SLC51A: variants seen among roughly 807,000 people sequenced by gnomAD.
SLC51A encodes the protein organic solute transporter subunit alpha.
A neutral mutation model predicts 34.8 loss-of-function variants in SLC51A; 22 were observed. The ratio of observed to expected loss-of-function variants is 0.63; its 90% confidence interval spans 0.45 to 0.90. The LOEUF (loss-of-function observed/expected upper bound fraction) is 0.90. Ranked by LOEUF, SLC51A falls within the 40% of genes least tolerant of loss-of-function variation. SLC51A has a pLI of 0.00. For missense variants in SLC51A, 371 were observed against 414.8 expected (o/e 0.89, Z 0.92); for synonymous variants, 181 against 176.3 (o/e 1.03, Z -0.21).
At chr3:196,218,011 G>A in intron 2 of SLC51A, 75 bp downstream of exon 2, 1 of 1,387,498 alleles carries the variant, frequency 7.2e-7, no homozygotes, top group Non-Finnish European at 1.0e-6. Context: ...GGGAGAGGCG[G>A]CCCTGAGCTG....
chr3:196,219,119 G>A (rs1028232599), intron 2 of SLC51A, among the ~76,000 whole-genome samples: 4 of 152,116 alleles, frequency 2.6e-5, no homozygotes, highest in African/African-American at 4.8e-5. Context: ...CCAGCTACTC[G>A]GGAGGCTGAG....
At position 196,233,391 on chromosome 3, in the gene SLC51A, A is replaced by G. The variant is rs1160880283; in HGVS notation, c.*192A>G. 1 of 617,720 alleles carries G rather than the reference A, an allele frequency of 1.6e-6. No homozygotes were observed. Among genetic ancestry groups the G allele is most frequent in the African/African-American group, 1.8e-5 (1 of 54,092 alleles). The allele number at this position is 617,720 out of a possible 1,614,324, so 38.3% of individuals were successfully genotyped here. On this transcript the variant is annotated 3_prime_UTR_variant, in exon 9 of 9. Coordinates refer to ENST00000296327, the MANE Select transcript of SLC51A (RefSeq NM_152672.6). ...TTGGATCTTGCCTGGAAGGTGTTTT[A>G]AGTTTTGTAATAAACAAGATGATGT...
intron 2 of SLC51A, among the ~76,000 whole-genome samples, chr3:196,224,692 C>A (rs1044953670): frequency 4.3e-5 from 1 of 23,524 alleles, no homozygotes; most frequent in Non-Finnish European, 8.0e-5. Context: ...GAGAAGGGGG[C>A]GGGGCGGGGG....
intron 2 of SLC51A, among the ~76,000 whole-genome samples, chr3:196,221,927 T>C (rs1331503280): frequency 6.0e-5 from 9 of 150,690 alleles, no homozygotes; most frequent in Admixed American, 1.3e-4. Flanking sequence ...ACCGTGTTAG[T>C]CAGGATGGTC....
At chr3:196,229,853 G>T (rs1041419908) in intron 6 of SLC51A, 62 bp from the exon 7 acceptor site, 9 of 1,517,250 alleles carry the variant, frequency 5.9e-6, no homozygotes, top group Non-Finnish European at 8.0e-6. Flanking sequence ...ACCATCTCTT[G>T]AAAGAGAGAG....
chr3:196,228,949 C>T lies in SLC51A; in HGVS notation c.633+29C>T, dbSNP rs1369753848. 8.5e-6 allele frequency: 13 copies of T among 1,529,484 alleles called. No individual in the cohort carries two copies. Among genetic ancestry groups the T allele is most frequent in the African/African-American group, 2.7e-5 (2 of 73,414 alleles). 94.7% of individuals were successfully genotyped at this position (1,529,484 alleles called of 1,614,324 possible). A position where few individuals can be genotyped will look rare whatever the true frequency, so the allele number is the denominator to read the frequency against. Reference sequence around the variant, plus strand: ...AGCCGGGAGTAAGGGACAGCACAGTCCAAGACTCATTTAGTACCTTTGTGT... The same window carrying T: ...AGCCGGGAGTAAGGGACAGCACAGTTCAAGACTCATTTAGTACCTTTGTGT... On this transcript the variant is annotated intron_variant, in intron 6 of 8. Transcript: ENST00000296327. This position sits in a 1 kb window ranked among gnomAD's most constrained non-coding sequence, Gnocchi z 4.9.
chr3:196,233,230 G>A lies in SLC51A; in HGVS notation c.*31G>A, dbSNP rs1485309250. ...ATGGCTTGGACAATGAAAGGATGCT[G>A]TACTCATTAGAATACAAGATTCCTT... is the stretch of plus-strand genomic sequence containing the variant. On this transcript the variant is annotated 3_prime_UTR_variant, in exon 9 of 9. Transcript: ENST00000296327. 1.4e-5 allele frequency: 22 copies of A among 1,610,254 alleles called. No homozygotes were observed. The highest frequency in any genetic ancestry group is 1.8e-5 in the Non-Finnish European group (21 of 1,178,218).
intron 2 of SLC51A, among the ~76,000 whole-genome samples, 192 bp from the exon 3 acceptor site, chr3:196,226,773 T>TAAAAAA (rs780868037): frequency 2.8e-5 from 3 of 107,568 alleles, no homozygotes; most frequent in African/African-American, 7.3e-5. Flanking sequence ...GGCTCCGTCT[T>TAAAAAA]AAAAAAAAAA....
At chr3:196,226,328 C>G (rs1363266345) in intron 2 of SLC51A, among the ~76,000 whole-genome samples, 1 of 150,934 alleles carries the variant, frequency 6.6e-6, no homozygotes, top group South Asian at 2.1e-4. Context: ...TCCTCCTCCC[C>G]ACAAAAAAGT....
intron 4 of SLC51A, 133 bp downstream of exon 4, chr3:196,227,870 C>A: frequency 1.0e-6 from 1 of 968,478 alleles, no homozygotes. Flanking sequence ...GGCTCTTGCG[C>A]TCCTGGCTCT....
At chr3:196,232,242 A>G (rs1337356055) in intron 7 of SLC51A, among the ~76,000 whole-genome samples, 177 bp from the exon 8 acceptor site, 2 of 152,256 alleles carry the variant, frequency 1.3e-5, no homozygotes, top group South Asian at 4.1e-4. Flanking sequence ...ATTTGCCTAA[A>G]GATGAAAATC....
chr3:196,222,151 T>C (rs78843541), intron 2 of SLC51A, among the ~76,000 whole-genome samples: 13,006 of 152,312 alleles, frequency 0.085, 708 homozygotes, highest in Middle Eastern at 0.13. Flanking sequence ...TACTCTTTTT[T>C]CAAATTCTTA....
At chr3:196,233,034 C>T (rs1237119770) in intron 8 of SLC51A, 29 bp from the exon 9 acceptor site, 30 of 1,611,384 alleles carry the variant, frequency 1.9e-5, no homozygotes, top group Non-Finnish European at 2.5e-5. Flanking sequence ...CTCAGCATAA[C>T]CTACGCTGTA....
At chr3:196,227,198 A>ACGTCACTT (rs1723919703) in intron 3 of SLC51A, 79 bp downstream of exon 3, 1 of 1,347,826 alleles carries the variant, frequency 7.4e-7, no homozygotes, top group Non-Finnish European at 1.0e-6. Context: ...TAAACTCAGC[A>ACGTCACTT]CGTCACTTCG....
chr3:196,232,658 C>A, intron 8 of SLC51A, 134 bp downstream of exon 8: 1 of 685,298 alleles, frequency 1.5e-6, no homozygotes, highest in Non-Finnish European at 2.6e-6. Context: ...TTCGGGAAAT[C>A]CCAACAGAGG....
intron 2 of SLC51A, among the ~76,000 whole-genome samples, chr3:196,225,193 T>C (rs1418518341): frequency 2.0e-5 from 3 of 152,022 alleles, no homozygotes; most frequent in African/African-American, 4.8e-5. Flanking sequence ...AGGCTGGTCT[T>C]GGACTCCTGG....
Position 196,232,470 on chromosome 3 carries a change from A to G in SLC51A, c.832A>G (p.Asn278Asp), listed in dbSNP as rs202152149. ...GCCCTCCATCTTCTCAGTCTTGGCCAACGGTGGGCAGATTGCTTGTTCGCC... is the reference window on the plus strand; with the variant it reads ...GCCCTCCATCTTCTCAGTCTTGGCCGACGGTGGGCAGATTGCTTGTTCGCC... ...LQPSIFSVLANGGQIACSPPY... is the reference protein window; with the variant it reads ...LQPSIFSVLADGGQIACSPPY... The change falls in exon 8 of 9, where the codon AAC becomes GAC. Residue 278 changes from asparagine to aspartate, a missense_variant. Asn to Asp is a conservative substitution (Grantham distance 23). Coordinates refer to ENST00000296327, the MANE Select transcript of SLC51A (RefSeq NM_152672.6). 7.6e-5 allele frequency: 122 copies of G among 1,614,234 alleles called. No homozygotes were observed. The highest frequency in any genetic ancestry group is 6.6e-4 in the Middle Eastern group (4 of 6,062).
At chr3:196,230,222 T>C in intron 7 of SLC51A, 161 bp downstream of exon 7, 1 of 750,582 alleles carries the variant, frequency 1.3e-6, no homozygotes, top group Non-Finnish European at 2.0e-6. Flanking sequence ...TTCCCGCTTT[T>C]GTCTTTCTGT....
intron 2 of SLC51A, chr3:196,224,120 A>C (rs1193733771): frequency 4.6e-6 from 1 of 215,354 alleles, no homozygotes; most frequent in African/African-American, 2.4e-5. Context: ...CGGCCTCCCA[A>C]AGTGCTGGGA....
Sources: allele counts gnomAD v4.1 joint callset (sites outside exome capture counted in the v4.1 genomes callset), GRCh38; gene constraint gnomAD v4.1.1; non-coding constraint Gnocchi (gnomAD v3.1); transcripts MANE v1.5; gene names NCBI Gene and HGNC (gene_info 2026-07-23, HGNC 2026-07-21).